The following MAP7 variants were observed in gnomAD, a reference collection of about 807,000 sequenced individuals.
MAP7 encodes the protein microtubule associated protein 7, also known as ensconsin.
In MAP7, 52 loss-of-function variants were observed where a neutral mutation model predicts 94.8. The observed-to-expected ratio is 0.55, with a 90% confidence interval of 0.44 to 0.69. MAP7 has a LOEUF of 0.69. MAP7 is among the 30% of genes least tolerant of loss of function. The probability of loss-of-function intolerance (pLI) is 0.00; values close to 1 mark genes in which losing one functional copy is unlikely to be tolerated. For synonymous variants in MAP7, 350 were observed against 357.0 expected, an observed-to-expected ratio of 0.98 and a Z score of 0.22; for missense variants, 940 against 964.6, an observed-to-expected ratio of 0.97 and a Z score of 0.34.
chr6:136,442,006 C>T (rs537685680), intron 1 of MAP7, among the ~76,000 whole-genome samples: 123 of 152,138 alleles, frequency 8.1e-4, no homozygotes, highest in Admixed American at 1.7e-3. Context: ...CAGCAAGACC[C>T]TGTCTCAACA....
chr6:136,396,615 T>C (rs1348793280), intron 3 of MAP7, among the ~76,000 whole-genome samples: 4 of 152,140 alleles, frequency 2.6e-5, no homozygotes, highest in Non-Finnish European at 5.9e-5. Context: ...TTTCAGAACT[T>C]GAACATATCC....
chr6:136,456,767 G>GGAGGAGGAAGAAGAAGAAGAA (rs1179338276), intron 1 of MAP7, among the ~76,000 whole-genome samples: 20 of 60,592 alleles, frequency 3.3e-4, no homozygotes, highest in East Asian at 1.0e-3. Context: ...AGGAGGAGGA[G>GGAGGAGGAAGAAGAAGAAGAA]GAAGAAGAAG....
At position 136,385,291 on chromosome 6, in the gene MAP7, G is replaced by A. The variant is rs144800509; in HGVS notation, c.527-1510C>T. Among the ~76,000 whole-genome samples, 49 of 152,136 alleles carry A rather than the reference G, an allele frequency of 3.2e-4. No individual in the cohort carries two copies. In the East Asian group the frequency reaches 9.5e-3, roughly 29 times the overall value. Reference sequence around the variant, plus strand: ...TTATTAAAAAAAAAACCACTTCTGTGCCTCAAATTTATACTTAGCTGATGG... The same window carrying A: ...TTATTAAAAAAAAAACCACTTCTGTACCTCAAATTTATACTTAGCTGATGG... On this transcript the variant is annotated intron_variant, in intron 5 of 17. Transcript: ENST00000354570.
intron 15 of MAP7, among the ~76,000 whole-genome samples, chr6:136,357,979 G>C (rs1433991945): frequency 6.6e-6 from 1 of 152,192 alleles, no homozygotes; most frequent in Admixed American, 6.5e-5. Context: ...TCGCCTGCCT[G>C]CATACCCACC....
At chr6:136,516,164 A>ATT (rs11319446) in intron 1 of MAP7, among the ~76,000 whole-genome samples, 2 of 145,790 alleles carry the variant, frequency 1.4e-5, no homozygotes, top group Non-Finnish European at 3.0e-5. Context: ...GGAAATGACA[A>ATT]TTTTTTTTTT....
In MAP7 at chr6:136,454,586, C is replaced by A. The variant is rs112514124; in HGVS notation, c.68-32787G>T. 5.4e-3 allele frequency among the ~76,000 whole-genome samples: 818 copies of A among 151,838 alleles called. 10 individuals carry two copies. Among genetic ancestry groups the A allele is most frequent in the African/African-American group, 0.019 (780 of 41,498 alleles). Reference sequence around the variant, plus strand: ...GTGCTGGGATTTCAGGCATGAGCCACCGAACCTGGCCTGAAAATGTCTTTT... The same window carrying A: ...GTGCTGGGATTTCAGGCATGAGCCAACGAACCTGGCCTGAAAATGTCTTTT... On this transcript the variant is annotated intron_variant, in intron 1 of 17. Transcript: ENST00000354570.
intron 3 of MAP7, among the ~76,000 whole-genome samples, chr6:136,407,279 G>C (rs757969035): frequency 1.3e-5 from 2 of 152,170 alleles, no homozygotes; most frequent in Non-Finnish European, 1.5e-5. Flanking sequence ...ATACACACCA[G>C]AGATACAAAC....
chr6:136,390,545 C>T (rs992529834), intron 3 of MAP7, among the ~76,000 whole-genome samples: 2 of 151,826 alleles, frequency 1.3e-5, no homozygotes, highest in Non-Finnish European at 1.5e-5. Flanking sequence ...CCCAGCTACT[C>T]GGGAGGCTGA....
chr6:136,413,877 A>G (rs927374226), intron 2 of MAP7, among the ~76,000 whole-genome samples: 1 of 152,102 alleles, frequency 6.6e-6, no homozygotes, highest in African/African-American at 2.4e-5. Flanking sequence ...GAAAATAAAA[A>G]CAGTAAAGAC....
At chr6:136,450,556 G>A (rs761686011) in intron 1 of MAP7, among the ~76,000 whole-genome samples, 15 of 151,784 alleles carry the variant, frequency 9.9e-5, no homozygotes, top group South Asian at 8.3e-4. Context: ...ATAGAAGGGC[G>A]GGCTGATCAC....
chr6:136,535,338 A>T (rs1404191219), intron 1 of MAP7, among the ~76,000 whole-genome samples: 1 of 152,186 alleles, frequency 6.6e-6, no homozygotes, highest in Non-Finnish European at 1.5e-5. Flanking sequence ...GCAGAAGCCG[A>T]GCAGATGTCA....
At chr6:136,418,277 G>A (rs61259494) in intron 2 of MAP7, among the ~76,000 whole-genome samples, 3 of 152,198 alleles carry the variant, frequency 2.0e-5, no homozygotes, top group East Asian at 3.9e-4. Flanking sequence ...GTATAGTGGC[G>A]GATCTCGGCT....
At chr6:136,354,571 A>C (rs1256182207) in intron 16 of MAP7, among the ~76,000 whole-genome samples, 1 of 151,226 alleles carries the variant, frequency 6.6e-6, no homozygotes, top group East Asian at 1.9e-4. Context: ...TCTGATGTTT[A>C]TGTCTGATGC....
intron 2 of MAP7, chr6:136,420,211 A>AT: frequency 9.6e-7 from 1 of 1,038,748 alleles, no homozygotes; most frequent in Non-Finnish European, 1.5e-6. Flanking sequence ...GTGTTCAGGC[A>AT]TTTCAGAGCC....
At chr6:136,433,479 T>A (rs1000421620) in intron 1 of MAP7, among the ~76,000 whole-genome samples, 6 of 152,214 alleles carry the variant, frequency 3.9e-5, no homozygotes, top group African/African-American at 1.2e-4. Context: ...TGAACTCAAC[T>A]GGAAAAGTCA....
At chr6:136,450,150 C>A (rs1273275016) in intron 1 of MAP7, among the ~76,000 whole-genome samples, 1 of 152,128 alleles carries the variant, frequency 6.6e-6, no homozygotes, top group East Asian at 1.9e-4. Context: ...TGCCACTGCA[C>A]GCCAGCCTGG....
At chr6:136,428,003 T>C (rs960884294) in intron 1 of MAP7, among the ~76,000 whole-genome samples, 3 of 152,330 alleles carry the variant, frequency 2.0e-5, no homozygotes, top group African/African-American at 7.2e-5. Context: ...ACAAAAGACA[T>C]TGACTTTATA....
chr6:136,383,907 C>T (rs1327102640), intron 5 of MAP7, 126 bp from the exon 6 acceptor site: 2 of 617,604 alleles, frequency 3.2e-6, no homozygotes, highest in Non-Finnish European at 5.7e-6. Context: ...GTCATAATAA[C>T]ACAGTTTTCT....
chr6:136,393,895 C>T (rs1201517837), intron 3 of MAP7, among the ~76,000 whole-genome samples: 6 of 151,246 alleles, frequency 4.0e-5, no homozygotes, highest in African/African-American at 1.5e-4. Context: ...CCTGTCTCAG[C>T]CCCCTGAGTG....
Sources: gnomAD v4.1 joint callset for allele counts (sites outside exome capture counted in the v4.1 genomes callset) on GRCh38, gnomAD v4.1.1 for gene constraint, MANE v1.5 for transcripts, NCBI Gene and HGNC (gene_info 2026-07-23, HGNC 2026-07-21) for gene names.